The following RUNX2 variants were observed in gnomAD, a reference collection of about 807,000 sequenced individuals.
The protein encoded by RUNX2 is RUNX family transcription factor 2.
RUNX2 carries 10 observed loss-of-function variants against 51.7 expected under a neutral mutation model. The observed-to-expected ratio is 0.19, with a 90% CI of 0.12 to 0.33. The LOEUF is 0.33. RUNX2 is among the 10% of genes least tolerant of loss of function. The pLI, the probability that RUNX2 is intolerant of heterozygous loss-of-function variation, is 1.00. For synonymous variants in RUNX2, 276 were observed against 273.6 expected (o/e 1.01, Z -0.09); for missense variants, 562 against 691.3 (o/e 0.81, Z 2.10).
intron 4 of RUNX2, among the ~76,000 whole-genome samples, chr6:45,436,424 T>C (rs1473364971): frequency 6.6e-6 from 1 of 152,204 alleles, no homozygotes; most frequent in Non-Finnish European, 1.5e-5. Flanking sequence ...TCCTTATTTG[T>C]GCAATGGGGG....
chr6:45,338,622 A>G (rs1444704239), intron 2 of RUNX2, among the ~76,000 whole-genome samples: 6 of 152,146 alleles, frequency 3.9e-5, no homozygotes, highest in African/African-American at 1.4e-4. Flanking sequence ...ACCATGTGAT[A>G]AAAATAATAA....
At chr6:45,401,336 T>C (rs918892653) in intron 2 of RUNX2, among the ~76,000 whole-genome samples, 1 of 152,202 alleles carries the variant, frequency 6.6e-6, no homozygotes, top group Non-Finnish European at 1.5e-5. Context: ...AACAATAACA[T>C]CTTACACATA....
chr6:45,495,008 C>T (rs1034474038), intron 6 of RUNX2, among the ~76,000 whole-genome samples: 22 of 152,186 alleles, frequency 1.4e-4, no homozygotes, highest in Non-Finnish European at 2.9e-4. Context: ...TCAGCCAGCC[C>T]ATCTACAGTA....
At chr6:45,365,261 G>T (rs1339115869) in intron 2 of RUNX2, 2 of 1,612,008 alleles carry the variant, frequency 1.2e-6, no homozygotes, top group African/African-American at 2.7e-5. Context: ...TCCACTACTT[G>T]AAGTTGCAGT....
rs1340812150 is a variant in RUNX2 at position 45,548,097 on chromosome 6, A to G, written c.*792A>G. 1 of 152,570 alleles carries G rather than the reference A, an allele frequency of 6.6e-6. No individual in the cohort carries two copies. The highest frequency in any genetic ancestry group is 1.9e-4 in the East Asian group (1 of 5,202). 9.5% of individuals were successfully genotyped at this position (152,570 alleles called of 1,614,324 possible). A position where few individuals can be genotyped will look rare whatever the true frequency, so the allele number is the denominator to read the frequency against. ...TTATTATAGCCATAATGGTATAGAT[A>G]GTGATTGCGTTTGGCTATGTGTTGT... On this transcript the variant is annotated 3_prime_UTR_variant, in exon 9 of 9. Transcript: ENST00000647337.
At chr6:45,473,658 T>A (rs1473219576) in intron 5 of RUNX2, among the ~76,000 whole-genome samples, 1 of 152,258 alleles carries the variant, frequency 6.6e-6, no homozygotes, top group Non-Finnish European at 1.5e-5. Context: ...TGGGTTTCAC[T>A]GAAAGTAATA....
At chr6:45,524,732 C>A (rs955776192) in intron 7 of RUNX2, among the ~76,000 whole-genome samples, 1 of 152,134 alleles carries the variant, frequency 6.6e-6, no homozygotes, top group Non-Finnish European at 1.5e-5. Context: ...CTGATAATAG[C>A]GTTATGGTAC....
chr6:45,331,943 T>C (rs1787603763), intron 2 of RUNX2, among the ~76,000 whole-genome samples: 2 of 152,012 alleles, frequency 1.3e-5, no homozygotes, highest in African/African-American at 4.8e-5. Context: ...AACACTGAAA[T>C]ATTTGATGGT....
chr6:45,547,677 C>A lies in RUNX2; in HGVS notation c.*372C>A. 3.2e-6 allele frequency: 1 copy of A among 313,846 alleles called. No individual in the cohort carries two copies. Among genetic ancestry groups the A allele is most frequent in the Non-Finnish European group, 6.1e-6 (1 of 163,182 alleles). 19.4% of individuals were successfully genotyped at this position (313,846 alleles called of 1,614,324 possible). On this transcript the variant is annotated 3_prime_UTR_variant, in exon 9 of 9. Coordinates refer to ENST00000647337, the MANE Select transcript of RUNX2 (RefSeq NM_001024630.4). ...ACTCCAGGTTCAGGAGGGAGAAGAG[C>A]AAAGCCGCTTCCTCTCTGTGCTTTG...
chr6:45,427,429 G>GT (rs916399516), intron 3 of RUNX2, among the ~76,000 whole-genome samples: 24 of 152,078 alleles, frequency 1.6e-4, no homozygotes, highest in African/African-American at 5.8e-4. Context: ...GACATATTGT[G>GT]TTTTTTCTCT....
intron 2 of RUNX2, among the ~76,000 whole-genome samples, chr6:45,333,140 T>C (rs915610391): frequency 6.6e-6 from 1 of 151,734 alleles, no homozygotes; most frequent in Non-Finnish European, 1.5e-5. Context: ...AAAAGAAGTC[T>C]CACATAATGA....
At chr6:45,507,018 C>T (rs1018034454) in intron 6 of RUNX2, among the ~76,000 whole-genome samples, 4 of 151,702 alleles carry the variant, frequency 2.6e-5, no homozygotes, top group Admixed American at 2.0e-4. Context: ...ATTTAGCCCC[C>T]GAAAACTTGT....
rs1349550429 is a variant in RUNX2, at chr6:45,492,075, C to A, written c.820C>A (p.Pro274Thr). ...QNPRPSLNSA[P>T]SPFNPQGQSQ... is the part of the protein sequence containing the mutation. ...CCCACGGCCCTCCCTGAACTCTGCA[C>A]CAAGTCCTTTTAATCCACAAGGACA... The change falls in exon 6 of 9, where the codon CCA (proline) becomes ACA (threonine). Residue 274 changes from proline to threonine, a missense_variant. Coordinates refer to ENST00000647337, the MANE Select transcript of RUNX2 (RefSeq NM_001024630.4). 3.1e-6 allele frequency: 5 copies of A among 1,613,810 alleles called. No homozygotes were observed. The South Asian group carries it at 3.3e-5, about 11-fold the overall frequency.
At chr6:45,483,384 G>A (rs1472405543) in intron 5 of RUNX2, among the ~76,000 whole-genome samples, 1 of 151,690 alleles carries the variant, frequency 6.6e-6, no homozygotes, top group African/African-American at 2.4e-5. Flanking sequence ...GTCTTTACTG[G>A]ACAAAAGTAC....
At chr6:45,394,507 A>G (rs535403788) in intron 2 of RUNX2, among the ~76,000 whole-genome samples, 1 of 152,272 alleles carries the variant, frequency 6.6e-6, no homozygotes, top group Admixed American at 6.5e-5. Flanking sequence ...TGTGATTCTC[A>G]GTGAGTATAA....
chr6:45,384,670 A>G (rs1170144756), intron 2 of RUNX2, among the ~76,000 whole-genome samples: 1 of 150,196 alleles, frequency 6.7e-6, no homozygotes, highest in Non-Finnish European at 1.5e-5. Context: ...ACTATTAAAC[A>G]CAAAATCTTA....
chr6:45,380,518 GAGC>G (rs1020503030), intron 2 of RUNX2, among the ~76,000 whole-genome samples: 2 of 152,216 alleles, frequency 1.3e-5, no homozygotes, highest in Non-Finnish European at 2.9e-5. Flanking sequence ...ATTCTCAAAA[GAGC>G]AGCAGAAGTC....
intron 5 of RUNX2, among the ~76,000 whole-genome samples, chr6:45,490,373 A>G (rs923477146): frequency 2.0e-5 from 3 of 152,144 alleles, no homozygotes; most frequent in Non-Finnish European, 2.9e-5. Context: ...ACTGGCAGGA[A>G]ATAGGGTGGT....
Position 45,546,925 on chromosome 6 carries a change from G to T in RUNX2, c.1186G>T (p.Ala396Ser). The change falls in exon 9 of 9, where the codon GCC becomes TCC. Residue 396 changes from alanine to serine, a missense_variant. This residue lies in a region of RUNX2 where 304 missense variants were observed against 353.2 expected (regional missense o/e 0.86). Transcript: ENST00000647337. ...RFSNPRMHYP[A>S]TFTYTPPVTS... ...CTCCAACCCACGAATGCACTATCCA[G>T]CCACCTTTACTTACACCCCGCCAGT... The T allele has an allele frequency of 1.2e-6, 2 of 1,613,744 alleles. No homozygotes were observed. The highest frequency in any genetic ancestry group is 1.7e-6 in the Non-Finnish European group (2 of 1,179,952).
Sources: gnomAD v4.1 joint callset for allele counts (sites outside exome capture counted in the v4.1 genomes callset) on GRCh38, gnomAD v4.1.1 for gene constraint, gnomAD v4.1.1 regional missense constraint, MANE v1.5 for transcripts, NCBI Gene and HGNC (gene_info 2026-07-23, HGNC 2026-07-21) for gene names.